RFLNA: variants seen among roughly 807,000 people sequenced by gnomAD.
The protein encoded by RFLNA is refilin-A.
Under a neutral mutation model 7.8 loss-of-function variants are expected in RFLNA, and 5 were observed. That is an observed-to-expected ratio of 0.64 (90% CI 0.34 to 1.35). RFLNA has a LOEUF of 1.35. Among genes scored for constraint, RFLNA ranks in the 40% most tolerant of loss-of-function variants. The probability of loss-of-function intolerance (pLI) is 0.04; values close to 1 mark genes in which losing one functional copy is unlikely to be tolerated. For missense variants in RFLNA, 278 were observed against 305.5 expected (o/e 0.91, Z 0.67); for synonymous variants, 141 against 131.3 (o/e 1.07, Z -0.50).
In RFLNA at chr12:124,306,535, G is replaced by A. The variant is rs917515972; in HGVS notation, c.208-5283G>A. 7.2e-5 allele frequency among the ~76,000 whole-genome samples: 11 copies of A among 152,272 alleles called. No homozygotes were observed. The highest frequency in any genetic ancestry group is 2.0e-4 in the Admixed American group (3 of 15,306). Reference sequence around the variant, plus strand: ...TGGGCATGAAAGGCAGTGGAGGAGCGAGGGTGAGGGCCCGGGACCTGGAGC... The same window carrying A: ...TGGGCATGAAAGGCAGTGGAGGAGCAAGGGTGAGGGCCCGGGACCTGGAGC... On this transcript the variant is annotated intron_variant, in intron 1 of 2. Coordinates refer to ENST00000546355, the MANE Select transcript of RFLNA (RefSeq NM_001365156.1). The surrounding 1 kb of genome is among the most constrained non-coding windows in gnomAD (Gnocchi z 5.2).
upstream of RFLNA, among the ~76,000 whole-genome samples, chr12:124,293,668 C>T (rs536714434): frequency 3.9e-5 from 6 of 152,300 alleles, no homozygotes; most frequent in East Asian, 7.7e-4. Context: ...AGACTTCCAG[C>T]GTTCTTTCCT....
chr12:124,293,012 C>T (rs2033846815), upstream of RFLNA, among the ~76,000 whole-genome samples: 1 of 152,202 alleles, frequency 6.6e-6, no homozygotes, highest in African/African-American at 2.4e-5. Flanking sequence ...CAACCTCCAC[C>T]TCCTGAGTTC....
At chr12:124,308,601 G>A (rs1831414589) in intron 1 of RFLNA, among the ~76,000 whole-genome samples, 1 of 152,210 alleles carries the variant, frequency 6.6e-6, no homozygotes, top group South Asian at 2.1e-4. Context: ...GGGTCTGCAG[G>A]TTTCAGACCA....
upstream of RFLNA, among the ~76,000 whole-genome samples, chr12:124,294,249 TCCTGGAGTCTA>T (rs1330522272): frequency 1.3e-5 from 2 of 152,198 alleles, no homozygotes; most frequent in Non-Finnish European, 2.9e-5. Context: ...CTTTCACCCC[TCCTGGAGTCTA>T]CCTCTGTTCT....
upstream of RFLNA, among the ~76,000 whole-genome samples, chr12:124,293,255 A>G (rs1339107973): frequency 6.6e-6 from 1 of 152,160 alleles, no homozygotes; most frequent in Non-Finnish European, 1.5e-5. Context: ...AAATAAAGAC[A>G]GAGGAACCCT....
Position 124,314,601 on chromosome 12 carries a change from C to T in RFLNA, c.*76C>T. The T allele has an allele frequency of 1.3e-6, 2 of 1,534,262 alleles. No homozygotes were observed. Among genetic ancestry groups the T allele is most frequent in the South Asian group, 1.2e-5 (1 of 83,734 alleles). On this transcript the variant is annotated 3_prime_UTR_variant, in exon 3 of 3. Transcript: ENST00000546355. The stretch of plus-strand genomic sequence containing the variant: ...AAGCCGGGAGGATGGACACGATGAG[C>T]TCGGCCTGGCACTCGGGCAGGAGGC...
intron 1 of RFLNA, among the ~76,000 whole-genome samples, chr12:124,296,911 A>C (rs1047232309): frequency 6.6e-6 from 1 of 152,128 alleles, no homozygotes; most frequent in African/African-American, 2.4e-5. Context: ...TCATGCAGCA[A>C]ATTTGAACTT....
chr12:124,313,463 G>T (rs1593041137), intron 2 of RFLNA, among the ~76,000 whole-genome samples: 1 of 152,168 alleles, frequency 6.6e-6, no homozygotes. Context: ...CGGATCACGA[G>T]GTCAGGAGAT....
At chr12:124,304,715 G>A (rs2034107761) in intron 1 of RFLNA, among the ~76,000 whole-genome samples, 1 of 152,364 alleles carries the variant, frequency 6.6e-6, no homozygotes, top group South Asian at 2.1e-4. Context: ...GCAGCAGCAG[G>A]CTGCCTCTCT....
intron 1 of RFLNA, among the ~76,000 whole-genome samples, chr12:124,303,630 C>T (rs1200142613): frequency 6.6e-6 from 1 of 152,234 alleles, no homozygotes; most frequent in Non-Finnish European, 1.5e-5. Context: ...CATCCCAGAG[C>T]TTCCAGGCGG....
chr12:124,301,323 A>C (rs2034034010), intron 1 of RFLNA, among the ~76,000 whole-genome samples: 1 of 152,206 alleles, frequency 6.6e-6, no homozygotes, highest in African/African-American at 2.4e-5. Context: ...ACTCAGCTAT[A>C]TCTGCAGCTT....
At chr12:124,313,520 T>C (rs1404718176) in intron 2 of RFLNA, among the ~76,000 whole-genome samples, 1 of 151,744 alleles carries the variant, frequency 6.6e-6, no homozygotes, top group Admixed American at 6.5e-5. Context: ...CTACTAAAAA[T>C]TACAAAAAAT....
intron 1 of RFLNA, among the ~76,000 whole-genome samples, chr12:124,296,942 G>A (rs2033939834): frequency 6.6e-6 from 1 of 152,224 alleles, no homozygotes; most frequent in Admixed American, 6.5e-5. Flanking sequence ...ATGGGAGCCT[G>A]GCGGGTGGAA....
At chr12:124,308,960 G>A (rs1034463937) in intron 1 of RFLNA, among the ~76,000 whole-genome samples, 1 of 152,230 alleles carries the variant, frequency 6.6e-6, no homozygotes, top group African/African-American at 2.4e-5. Flanking sequence ...TGGCGGGTGC[G>A]ACTGAGGAAT....
chr12:124,307,726 T>C (rs780979248), intron 1 of RFLNA, among the ~76,000 whole-genome samples: 7 of 152,186 alleles, frequency 4.6e-5, no homozygotes, highest in Non-Finnish European at 8.8e-5. Flanking sequence ...TGTGGTTCTC[T>C]TGTGTGATCT....
intron 1 of RFLNA, among the ~76,000 whole-genome samples, chr12:124,299,213 G>T (rs770177190): frequency 1.3e-5 from 2 of 152,276 alleles, no homozygotes; most frequent in Admixed American, 1.3e-4. Flanking sequence ...TGGCCATTTT[G>T]CATCAGTGTA....
upstream of RFLNA, among the ~76,000 whole-genome samples, chr12:124,290,402 C>A (rs6488927): frequency 0.92 from 140,737 of 152,334 alleles, 65,096 homozygotes; most frequent in East Asian, 1. This position sits in a 1 kb window ranked among gnomAD's most constrained non-coding sequence, Gnocchi z 4.0. Flanking sequence ...ATGTGTTTAC[C>A]TGTGTATATG....
At chr12:124,307,980 GCT>G (rs1593036268) in intron 1 of RFLNA, among the ~76,000 whole-genome samples, 1 of 144,190 alleles carries the variant, frequency 6.9e-6, no homozygotes, top group Non-Finnish European at 1.5e-5. Context: ...GTCTGTGTCC[GCT>G]CTTTTTTTTT....
intron 1 of RFLNA, among the ~76,000 whole-genome samples, chr12:124,301,582 A>C (rs1278257338): frequency 6.6e-6 from 1 of 152,090 alleles, no homozygotes; most frequent in African/African-American, 2.4e-5. Context: ...TCCAGAGGGG[A>C]TATTTGTCCA....
Sources: allele counts gnomAD v4.1 joint callset (sites outside exome capture counted in the v4.1 genomes callset), GRCh38; gene constraint gnomAD v4.1.1; non-coding constraint Gnocchi (gnomAD v3.1); transcripts MANE v1.5; gene names NCBI Gene and HGNC (gene_info 2026-07-23, HGNC 2026-07-21).